Variants in ALAS1 observed in about 807,000 individuals in gnomAD.
ALAS1 encodes the protein 5'-aminolevulinate synthase 1.
Under a neutral mutation model 59.6 loss-of-function variants are expected in ALAS1, and 29 were observed. The ratio of observed to expected loss-of-function variants is 0.49; its 90% CI spans 0.36 to 0.66. ALAS1 has a LOEUF of 0.66. Among genes scored for constraint, ALAS1 ranks in the 30% least tolerant of loss-of-function variants. The probability of loss-of-function intolerance (pLI) is 0.00; values close to 1 mark genes in which losing one functional copy is unlikely to be tolerated. For synonymous variants in ALAS1, 299 were observed against 296.6 expected, an observed-to-expected ratio of 1.01 and a Z score of -0.08; for missense variants, 690 against 807.5, an observed-to-expected ratio of 0.85 and a Z score of 1.76.
intron 4 of ALAS1, 72 bp from the exon 5 acceptor site, chr3:52,203,791 A>G: frequency 6.8e-7 from 1 of 1,478,996 alleles, no homozygotes; most frequent in South Asian, 1.4e-5. Context: ...ATTTTTGACA[A>G]TATGTTTGGA....
At chr3:52,204,980 G>T in intron 6 of ALAS1, 65 bp downstream of exon 6, 1 of 1,400,694 alleles carries the variant, frequency 7.1e-7, no homozygotes, top group Admixed American at 1.7e-5. Context: ...GATGTATAGG[G>T]GTTGGATCTT....
chr3:52,211,439 A>AG lies in ALAS1; in HGVS notation c.1490dup (p.Arg498ThrfsTer42). 1 of 1,614,198 alleles carries AG rather than the reference A, an allele frequency of 6.2e-7. No individual in the cohort carries two copies. Among genetic ancestry groups the AG allele is most frequent in the Non-Finnish European group, 8.5e-7 (1 of 1,180,028 alleles). On this transcript the variant is annotated frameshift_variant, in exon 10 of 12. Coordinates refer to ENST00000484952, the MANE Select transcript of ALAS1 (RefSeq NM_000688.6). LOFTEE classifies it high-confidence loss of function. ...TCTGTGCGGATCCTGAAGAGCGCTG[A>AG]GGGACGGGTGCTTCGCCGCCAGCAC...
chr3:52,210,751 C>T (rs566792921), intron 9 of ALAS1, among the ~76,000 whole-genome samples: 1 of 152,128 alleles, frequency 6.6e-6, no homozygotes, highest in Non-Finnish European at 1.5e-5. Context: ...TGCACTCCAG[C>T]CTGGGTGACA....
Position 52,211,701 on chromosome 3 carries a change from G to T in ALAS1, c.1599+150G>T, listed in dbSNP as rs1699414208. On this transcript the variant is annotated intron_variant, in intron 10 of 11. Coordinates refer to ENST00000484952, the MANE Select transcript of ALAS1 (RefSeq NM_000688.6). ...GCCAGCCACCCTCTGTCATGTTTCCGCCATTGGCTGACTTCACCAAGAGAA... is the reference window on the plus strand; with the variant it reads ...GCCAGCCACCCTCTGTCATGTTTCCTCCATTGGCTGACTTCACCAAGAGAA... 4 of 1,177,460 alleles carry T rather than the reference G, an allele frequency of 3.4e-6. No homozygotes were observed. In the South Asian group the frequency reaches 5.9e-5, roughly 17 times the overall value. The allele number at this position is 1,177,460 out of a possible 1,614,324, so 72.9% of individuals were successfully genotyped here.
chr3:52,205,821 G>T lies in ALAS1; in HGVS notation c.801-18G>T, dbSNP rs1559873750. ...ACCATGAGCTTTATTTTCTGGTTTT[G>T]TTTGTATTTTTAAACAGGGACACTT... On this transcript the variant is annotated intron_variant, in intron 6 of 11. Coordinates refer to ENST00000484952, the MANE Select transcript of ALAS1 (RefSeq NM_000688.6). The T allele has an allele frequency of 1.3e-6, 2 of 1,593,306 alleles. No individual in the cohort carries two copies. The highest frequency in any genetic ancestry group is 2.7e-5 in the African/African-American group (2 of 74,068).
At chr3:52,204,161 A>T (rs553115296) in intron 5 of ALAS1, 149 bp downstream of exon 5, 1 of 801,596 alleles carries the variant, frequency 1.2e-6, no homozygotes, top group East Asian at 2.9e-5. Context: ...GGAGAAGATC[A>T]CTTGAGGCCA....
At chr3:52,202,387 A>T in intron 3 of ALAS1, 120 bp from the exon 4 acceptor site, 1 of 794,398 alleles carries the variant, frequency 1.3e-6, no homozygotes, top group Non-Finnish European at 2.1e-6. Flanking sequence ...TTGTGTCTGG[A>T]TGGTGGGGTA....
rs1305016644 is a variant in ALAS1, at chr3:52,212,302, G to A, written c.1644G>A (p.Met548Ile). The change falls in exon 11 of 12, where the codon ATG becomes ATA. Residue 548 changes from methionine (M) to isoleucine (I), a missense_variant. By Grantham distance (10) the Met-to-Ile change is conservative. Transcript: ENST00000484952. ...AKNTEVCDELMSRHNIYVQAI... is the reference protein window; with the variant it reads ...AKNTEVCDELISRHNIYVQAI... The stretch of plus-strand genomic sequence containing the variant: ...ACACAGAAGTCTGTGATGAACTAAT[G>A]AGCAGACATAACATCTACGTGCAAG... 2 of 1,614,064 alleles carry A rather than the reference G, an allele frequency of 1.2e-6. No individual in the cohort carries two copies. Among genetic ancestry groups the A allele is most frequent in the South Asian group, 2.2e-5 (2 of 91,056 alleles).
rs1699110324 is a variant in ALAS1, at chr3:52,198,235, C to T, written c.-230C>T. On this transcript the variant is annotated 5_prime_UTR_variant, in exon 1 of 12. Coordinates refer to ENST00000484952, the MANE Select transcript of ALAS1 (RefSeq NM_000688.6). ...TGAGTGCCCGCCTCCTTCGCCGCCG[C>T]CTCTGCAGTCCTCAGCGCAGGTGAG... 1 of 399,262 alleles carries T rather than the reference C, an allele frequency of 2.5e-6. No homozygotes were observed. Among genetic ancestry groups the T allele is most frequent in the East Asian group, 3.6e-5 (1 of 28,070 alleles). The allele number at this position is 399,262 out of a possible 1,614,324, so 24.7% of individuals were successfully genotyped here.
Position 52,198,801 on chromosome 3 carries a change from A to G in ALAS1, c.-80A>G, listed in dbSNP as rs1699124401. On this transcript the variant is annotated 5_prime_UTR_variant, in exon 2 of 12. An upstream open reading frame in the 5' UTR loses its in-frame stop. Transcript: ENST00000484952. ...GACCAGGAGAAAGTCAGGATCCCTA[A>G]GAGTCTTCCCTGCCTGGATGGATGA... 3 of 1,535,366 alleles carry G rather than the reference A, an allele frequency of 2.0e-6. No homozygotes were observed. The highest frequency in any genetic ancestry group is 1.4e-5 in the African/African-American group (1 of 73,044).
intron 8 of ALAS1, 21 bp from the exon 9 acceptor site, chr3:52,208,062 C>T: frequency 1.3e-6 from 2 of 1,511,792 alleles, no homozygotes; most frequent in Non-Finnish European, 1.8e-6. Flanking sequence ...CTCTTCAGAG[C>T]AGTCTCTGGT....
At chr3:52,202,776 C>T in intron 4 of ALAS1, 42 bp downstream of exon 4, 1 of 1,573,728 alleles carries the variant, frequency 6.4e-7, no homozygotes. Flanking sequence ...GTGAAGGGGT[C>T]CTTTTAGTTC....
intron 3 of ALAS1, among the ~76,000 whole-genome samples, chr3:52,202,061 A>G (rs352170): frequency 0.47 from 70,974 of 152,100 alleles, 17,184 homozygotes; most frequent in Non-Finnish European, 0.53. Context: ...AATAAAAATA[A>G]GCTTGTGGCT....
At chr3:52,200,115 C>A (rs545431684) in intron 3 of ALAS1, among the ~76,000 whole-genome samples, 1 of 152,294 alleles carries the variant, frequency 6.6e-6, no homozygotes, top group East Asian at 1.9e-4. Context: ...CGTGCCCGGC[C>A]CCTTTGGCTT....
intron 6 of ALAS1, among the ~76,000 whole-genome samples, chr3:52,205,416 GT>G (rs1260866719): frequency 6.6e-6 from 1 of 152,198 alleles, no homozygotes; most frequent in Non-Finnish European, 1.5e-5. Flanking sequence ...CCGGTTTGAG[GT>G]TTAATGATAG....
intron 9 of ALAS1, 76 bp from the exon 10 acceptor site, chr3:52,211,207 C>A: frequency 6.5e-7 from 1 of 1,529,392 alleles, no homozygotes; most frequent in Non-Finnish European, 8.9e-7. Context: ...TGCTTTGAGG[C>A]TCCACAACAC....
intron 2 of ALAS1, among the ~76,000 whole-genome samples, 167 bp from the exon 3 acceptor site, chr3:52,199,043 G>T (rs1290382928): frequency 6.6e-6 from 1 of 152,192 alleles, no homozygotes; most frequent in Non-Finnish European, 1.5e-5. Context: ...GTAAAGTGTG[G>T]TCACCATTCC....
At chr3:52,209,784 A>ATCC (rs549885441) in intron 9 of ALAS1, among the ~76,000 whole-genome samples, 1 of 152,124 alleles carries the variant, frequency 6.6e-6, no homozygotes, top group East Asian at 1.9e-4. Context: ...GGCTCAAGTG[A>ATCC]TCCTCCCACC....
At chr3:52,206,820 G>A in intron 8 of ALAS1, 69 bp downstream of exon 8, 2 of 1,502,110 alleles carry the variant, frequency 1.3e-6, no homozygotes, top group Non-Finnish European at 1.8e-6. Flanking sequence ...TAAAAGTATG[G>A]TGTTTTGTTG....
Sources: gnomAD v4.1 joint callset for allele counts (sites outside exome capture counted in the v4.1 genomes callset) on GRCh38, gnomAD v4.1.1 for gene constraint, MANE v1.5 for transcripts, NCBI Gene and HGNC (gene_info 2026-07-23, HGNC 2026-07-21) for gene names.